KIAA1210: variants seen among roughly 807,000 people sequenced by gnomAD.
The protein encoded by KIAA1210 is KIAA1210.
Under a neutral mutation model 78.9 loss-of-function variants are expected in KIAA1210, and 48 were observed. That is an observed-to-expected ratio of 0.61 (90% confidence interval 0.48 to 0.77). The LOEUF (loss-of-function observed/expected upper bound fraction) is 0.77, where lower values mean the gene tolerates loss of function less well. Ranked by LOEUF, KIAA1210 falls within the 30% of genes least tolerant of loss-of-function variation. The probability of loss-of-function intolerance (pLI) is 0.00; values close to 1 mark genes in which losing one functional copy is unlikely to be tolerated. For missense variants in KIAA1210, 1,108 were observed against 1,100.0 expected, an observed-to-expected ratio of 1.01 and a Z score of -0.10; for synonymous variants, 406 against 404.5, an observed-to-expected ratio of 1.00 and a Z score of -0.04.
In KIAA1210 at chrX:119,089,636, C is replaced by T; in HGVS notation, c.1066G>A (p.Ala356Thr). 1 of 1,211,697 alleles carries T rather than the reference C, an allele frequency of 8.3e-7. No homozygotes were observed. The highest frequency in any genetic ancestry group is 1.7e-5 in the African/African-American group (1 of 57,822). Residue 356 changes from alanine (A) to threonine (T), a missense_variant, in exon 9 of 12, where the codon GCA becomes ACA. Physicochemically the swap from Ala to Thr is moderately conservative, Grantham distance 58. Transcript: ENST00000691062. ...TTTCTTCTCCATCTTCTTCCATATG[C>T]TGCTGACATTGGATAGCCCTGACTC... ...SRSQGYPMSA[A>T]YGRRWRRKGA...
intron 1 of KIAA1210, among the ~76,000 whole-genome samples, chrX:119,125,735 A>ATTTTTTTT (rs1163974116): frequency 6.3e-5 from 1 of 15,792 alleles, no homozygotes; most frequent in African/African-American, 2.6e-4. Context: ...ATATATATAT[A>ATTTTTTTT]TTTTTTTTTT....
intron 2 of KIAA1210, among the ~76,000 whole-genome samples, chrX:119,142,713 TGCAGTGAGCCGA>T (rs1929075960): frequency 1.1e-5 from 1 of 92,740 alleles, no homozygotes; most frequent in Non-Finnish European, 2.0e-5. Context: ...AGGCAGAGGT[TGCAGTGAGCCGA>T]GATCATGCCA....
intron 7 of KIAA1210, 149 bp downstream of exon 7, chrX:119,096,345 C>G (rs925647833): frequency 1.3e-5 from 6 of 463,232 alleles, no homozygotes; most frequent in Non-Finnish European, 1.7e-5. Context: ...CTGGGGGTGT[C>G]AAGCTTAGGA....
In KIAA1210 at chrX:119,082,997, C is replaced by G; in HGVS notation, c.4426+18G>C. On this transcript the variant is annotated intron_variant, in intron 11 of 11. Transcript: ENST00000691062. ...CTGTCGGGGCTGTTTTTTGAGAGGTCAGAATGTATGCTTTTACCTGATTTT... is the reference window on the plus strand; with the variant it reads ...CTGTCGGGGCTGTTTTTTGAGAGGTGAGAATGTATGCTTTTACCTGATTTT... 8.9e-7 allele frequency: 1 copy of G among 1,129,572 alleles called. No individual in the cohort carries two copies. Among genetic ancestry groups the G allele is most frequent in the Non-Finnish European group, 1.2e-6 (1 of 834,294 alleles). The allele number at this position is 1,129,572 out of a possible 1,213,427, so 93.1% of individuals were successfully genotyped here.
upstream of KIAA1210, among the ~76,000 whole-genome samples, chrX:119,130,563 A>G (rs1402093578): frequency 1.8e-5 from 2 of 112,651 alleles, no homozygotes; most frequent in Admixed American, 1.9e-4. Flanking sequence ...ATTTTTGTGG[A>G]TGGATGAATG....
intron 2 of KIAA1210, among the ~76,000 whole-genome samples, chrX:119,117,499 A>G (rs909320660): frequency 9.0e-6 from 1 of 110,870 alleles, no homozygotes; most frequent in Non-Finnish European, 1.9e-5. Flanking sequence ...TCTATCTATA[A>G]TAATTACCAG....
At position 119,116,626 on chromosome X, in the gene KIAA1210, A is replaced by C; in HGVS notation, c.100T>G (p.Phe34Val). The change falls in exon 3 of 12, where the codon TTT becomes GTT. Residue 34 changes from phenylalanine to valine, a missense_variant. Phe to Val is a conservative substitution (Grantham distance 50). This residue lies in a region of KIAA1210 where 672 missense variants were observed against 607.1 expected (regional missense o/e 1.11). Transcript: ENST00000691062. ...GCTTCTTTTTCCTTCTTCTTAACAA[A>C]AAAGCTCTTAAGGGCTTTAAATTTG... ...KCKFKALKSF[F>V]VKKKEKEAED... 8.3e-7 allele frequency: 1 copy of C among 1,206,396 alleles called. No individual in the cohort carries two copies. The highest frequency in any genetic ancestry group is 1.1e-6 in the Non-Finnish European group (1 of 892,160).
intron 2 of KIAA1210, among the ~76,000 whole-genome samples, chrX:119,147,272 A>G (rs1201783380): frequency 9.0e-6 from 1 of 111,528 alleles, no homozygotes; most frequent in East Asian, 2.8e-4. Flanking sequence ...CCAAGAAAGA[A>G]TGCATGGATC....
intron 1 of KIAA1210, among the ~76,000 whole-genome samples, chrX:119,125,729 A>AT (rs1431966696): frequency 1.1e-3 from 8 of 7,136 alleles, no homozygotes; most frequent in Admixed American, 4.6e-3. Flanking sequence ...ATATATATAT[A>AT]TATATATTTT....
chrX:119,124,459 A>T (rs1024052957), intron 1 of KIAA1210, among the ~76,000 whole-genome samples: 2 of 112,264 alleles, frequency 1.8e-5, no homozygotes, highest in South Asian at 7.4e-4. Flanking sequence ...AATGCAAAAA[A>T]CCTGATCTAT....
rs146849981 is a variant in KIAA1210 at position 119,124,424 on chromosome X, A to C, written c.-10-772T>G. On this transcript the variant is annotated intron_variant, in intron 1 of 11. Transcript: ENST00000691062. ...TGTATAGTATGTGAATTATAGCTCA[A>C]TAAAGCTGTTACCAAAAAAAGACAA... 8.9e-3 allele frequency among the ~76,000 whole-genome samples: 998 copies of C among 112,678 alleles called. 15 individuals carry two copies. Among genetic ancestry groups the C allele is most frequent in the African/African-American group, 0.031 (949 of 31,019 alleles).
At chrX:119,111,940 T>C (rs1195850435) in intron 3 of KIAA1210, among the ~76,000 whole-genome samples, 2 of 111,532 alleles carry the variant, frequency 1.8e-5, no homozygotes, top group East Asian at 5.7e-4. Flanking sequence ...GGTTTGGCTC[T>C]GTGTCCCCAC....
chrX:119,093,844 A>G (rs1171032484), intron 7 of KIAA1210, 69 bp from the exon 8 acceptor site: 27 of 1,003,204 alleles, frequency 2.7e-5, no homozygotes, highest in Non-Finnish European at 3.7e-5. Context: ...ATGGTTGCCA[A>G]AGAAAAAGCA....
chrX:119,100,369 A>C (rs1351818575), intron 6 of KIAA1210, among the ~76,000 whole-genome samples: 14 of 106,460 alleles, frequency 1.3e-4, no homozygotes, highest in Non-Finnish European at 2.3e-4. Flanking sequence ...CACAGAAGCC[A>C]ACCACAGGAT....
chrX:119,084,720 A>G (rs930090605), intron 10 of KIAA1210, among the ~76,000 whole-genome samples: 1 of 111,624 alleles, frequency 9.0e-6, no homozygotes, highest in African/African-American at 3.3e-5. Context: ...ATGTAAACAA[A>G]TACCACCTGT....
At chrX:119,126,748 G>A (rs1928658201) in intron 1 of KIAA1210, among the ~76,000 whole-genome samples, 1 of 112,119 alleles carries the variant, frequency 8.9e-6, no homozygotes, top group South Asian at 3.7e-4. Context: ...CCAAGATCTG[G>A]AGATCTGGCA....
At position 119,119,193 on chromosome X, in the gene KIAA1210, A is replaced by G. The variant is rs779072482; in HGVS notation, c.62-2529T>C. Among the ~76,000 whole-genome samples the G allele has an allele frequency of 4.4e-5, 5 of 112,816 alleles. No individual in the cohort carries two copies. The South Asian group carries it at 1.8e-3, about 41-fold the overall frequency. On this transcript the variant is annotated intron_variant, in intron 2 of 11. Coordinates refer to ENST00000691062, the MANE Select transcript of KIAA1210 (RefSeq NM_001394962.1). ...TGTGAGCTAGTGTTAGGGACTCAGTAATTACTTGTTTATCAGGGCTGGATT... is the reference window on the plus strand; with the variant it reads ...TGTGAGCTAGTGTTAGGGACTCAGTGATTACTTGTTTATCAGGGCTGGATT...
At chrX:119,141,387 G>A (rs1055165689) in intron 2 of KIAA1210, among the ~76,000 whole-genome samples, 1 of 111,803 alleles carries the variant, frequency 8.9e-6, no homozygotes, top group Admixed American at 9.5e-5. Flanking sequence ...GAAATACACT[G>A]CCTCCTGTGC....
intron 8 of KIAA1210, 30 bp downstream of exon 8, chrX:119,093,637 G>A: frequency 3.7e-6 from 4 of 1,086,569 alleles, no homozygotes; most frequent in Non-Finnish European, 5.1e-6. Context: ...TGTCATACAT[G>A]TTTCTGGGTG....
Sources: gnomAD v4.1 joint callset for allele counts (sites outside exome capture counted in the v4.1 genomes callset) on GRCh38, gnomAD v4.1.1 for gene constraint, gnomAD v4.1.1 regional missense constraint, MANE v1.5 for transcripts, NCBI Gene and HGNC (gene_info 2026-07-23, HGNC 2026-07-21) for gene names.